The following ISL1 variants were observed in gnomAD, a reference collection of about 807,000 sequenced individuals.
ISL1 encodes insulin gene enhancer protein ISL-1.
Under a neutral mutation model 35.3 loss-of-function variants are expected in ISL1, and 4 were observed. That is an observed-to-expected ratio of 0.11 (90% CI 0.06 to 0.26). The LOEUF (loss-of-function observed/expected upper bound fraction) is 0.26. Among genes scored for constraint, ISL1 ranks in the 10% least tolerant of loss-of-function variants. ISL1 has a pLI of 1.00. For missense variants in ISL1, 340 were observed against 472.8 expected (o/e 0.72, Z 2.60); for synonymous variants, 186 against 172.3 (o/e 1.08, Z -0.62).
Position 51,387,285 on chromosome 5 carries a change from G to A in ISL1, c.219-205G>A, listed in dbSNP as rs551711967. Among the ~76,000 whole-genome samples, 3 of 152,300 alleles carry A rather than the reference G, an allele frequency of 2.0e-5. No individual in the cohort carries two copies. The highest frequency in any genetic ancestry group is 4.1e-4 in the South Asian group (2 of 4,828). On this transcript the variant is annotated intron_variant, in intron 2 of 5. Coordinates refer to ENST00000230658, the MANE Select transcript of ISL1 (RefSeq NM_002202.3). This position sits in a 1 kb window ranked among gnomAD's most constrained non-coding sequence, Gnocchi z 4.3. ...GAGGAGGGAGGGAGGGGAAAAGAGA[G>A]ATGGGGGAAGGAAGAGAGACAGGGA...
At position 51,387,436 on chromosome 5, in the gene ISL1, C is replaced by T. The variant is rs553296464; in HGVS notation, c.219-54C>T. ...TGCCGGCCTGAAGTGACCCCCTCTTCCTGTACTTCTCTCCCCGCTCTGGGC... is the reference window on the plus strand; with the variant it reads ...TGCCGGCCTGAAGTGACCCCCTCTTTCTGTACTTCTCTCCCCGCTCTGGGC... On this transcript the variant is annotated intron_variant, in intron 2 of 5. Coordinates refer to ENST00000230658, the MANE Select transcript of ISL1 (RefSeq NM_002202.3). This position sits in a 1 kb window ranked among gnomAD's most constrained non-coding sequence, Gnocchi z 4.3. The T allele has an allele frequency of 1.4e-5, 22 of 1,601,472 alleles. No homozygotes were observed. The South Asian group carries it at 1.9e-4, about 14-fold the overall frequency.
At chr5:51,390,669 T>TACTGC (rs1747490388) in intron 4 of ISL1, among the ~76,000 whole-genome samples, 2 of 133,962 alleles carry the variant, frequency 1.5e-5, no homozygotes, top group Non-Finnish European at 1.6e-5. Flanking sequence ...TTTTTTTTTT[T>TACTGC]TTTTTTTTTT....
At position 51,389,054 on chromosome 5, in the gene ISL1, C is replaced by G. The variant is rs1454651752; in HGVS notation, c.479-592C>G. Among the ~76,000 whole-genome samples, 1 of 152,154 alleles carries G rather than the reference C, an allele frequency of 6.6e-6. No homozygotes were observed. The highest frequency in any genetic ancestry group is 2.4e-5 in the African/African-American group (1 of 41,442). On this transcript the variant is annotated intron_variant, in intron 3 of 5. Transcript: ENST00000230658. This position sits in a 1 kb window ranked among gnomAD's most constrained non-coding sequence, Gnocchi z 5.0. ...CAGCCCCTTCACATGACTGTCCTCT[C>G]GGACTGAAGTTCAAGGCGTTCTGGC...
At chr5:51,390,026 A>G (rs1747452054) in intron 4 of ISL1, 94 bp downstream of exon 4, 1 of 1,412,968 alleles carries the variant, frequency 7.1e-7, no homozygotes, top group Admixed American at 1.9e-5. Context: ...ACGGTTTTCA[A>G]TCCTGCTCCT....
At position 51,384,719 on chromosome 5, in the gene ISL1, A is replaced by G. The variant is rs1254190642; in HGVS notation, c.207A>G (p.Arg69=). 6.2e-7 allele frequency: 1 copy of G among 1,613,494 alleles called. No individual in the cohort carries two copies. The highest frequency in any genetic ancestry group is 1.7e-5 in the Admixed American group (1 of 60,028). ...FVRDGKTYCK[R]DYIRLYGIKC... ...GGGATGGGAAAACCTACTGTAAAAG[A>G]GATTATATCAGGTATGGCATTTACA... The change falls in exon 2 of 6, where the codon AGA becomes AGG. Residue 69 remains arginine, a synonymous_variant. Coordinates refer to ENST00000230658, the MANE Select transcript of ISL1 (RefSeq NM_002202.3).
chr5:51,383,773 G>A, intron 1 of ISL1, 74 bp downstream of exon 1: 2 of 1,302,828 alleles, frequency 1.5e-6, no homozygotes, highest in Non-Finnish European at 2.2e-6. Flanking sequence ...CACAGGCTGA[G>A]GTGCCAAGGG....
chr5:51,394,694 T>C lies in ISL1; in HGVS notation c.*1084T>C, dbSNP rs570042816. ...TGTAGAATTATATCTTCAGGACTAT[T>C]TCACTAATAAACATTTGGCATAGAT... On this transcript the variant is annotated 3_prime_UTR_variant, in exon 6 of 6. Transcript: ENST00000230658. 10 of 152,674 alleles carry C rather than the reference T, an allele frequency of 6.5e-5. No individual in the cohort carries two copies. Among genetic ancestry groups the C allele is most frequent in the Admixed American group, 1.3e-4 (2 of 15,286 alleles). The allele number at this position is 152,674 out of a possible 1,614,324, so 9.5% of individuals were successfully genotyped here.
At chr5:51,386,988 AAGG>A in intron 2 of ISL1, among the ~76,000 whole-genome samples, 1 of 151,920 alleles carries the variant, frequency 6.6e-6, no homozygotes, top group East Asian at 1.9e-4. Flanking sequence ...TTTTTCTTGG[AAGG>A]AGGACTTTTT....
chr5:51,384,182 CA>C (rs1747282192), intron 1 of ISL1, among the ~76,000 whole-genome samples: 1 of 143,970 alleles, frequency 6.9e-6, no homozygotes, highest in Admixed American at 7.1e-5. Context: ...CGCTTCTAGT[CA>C]AAACCTTTTC....
intron 4 of ISL1, among the ~76,000 whole-genome samples, chr5:51,390,708 A>G (rs1747493247): frequency 9.4e-6 from 1 of 105,998 alleles, no homozygotes; most frequent in Non-Finnish European, 1.8e-5. Flanking sequence ...TTTAAATGCC[A>G]TAAAATCTGC....
At position 51,387,323 on chromosome 5, in the gene ISL1, G is replaced by C. The variant is rs1423062160; in HGVS notation, c.219-167G>C. The stretch of plus-strand genomic sequence containing the variant: ...AGAGAGACAGGGAAGGAGAGAGCAG[G>C]GTTTCATTTCTGTCCTTCTGTTTCC... On this transcript the variant is annotated intron_variant, in intron 2 of 5. Coordinates refer to ENST00000230658, the MANE Select transcript of ISL1 (RefSeq NM_002202.3). The surrounding 1 kb of genome is among the most constrained non-coding windows in gnomAD (Gnocchi z 4.3). Among the ~76,000 whole-genome samples, 1 of 152,116 alleles carries C rather than the reference G, an allele frequency of 6.6e-6. No individual in the cohort carries two copies. Among genetic ancestry groups the C allele is most frequent in the Non-Finnish European group, 1.5e-5 (1 of 68,028 alleles).
intron 2 of ISL1, among the ~76,000 whole-genome samples, chr5:51,385,035 C>G (rs1419065198): frequency 6.6e-6 from 1 of 152,114 alleles, no homozygotes; most frequent in Non-Finnish European, 1.5e-5. Flanking sequence ...CCTTACAAAA[C>G]AAAATTTTAA....
At chr5:51,388,082 G>A (rs1235058126) in intron 3 of ISL1, among the ~76,000 whole-genome samples, 2 of 152,202 alleles carry the variant, frequency 1.3e-5, no homozygotes, top group Non-Finnish European at 1.5e-5. Context: ...GCTGAAAACG[G>A]GCTTCAGCTC....
At chr5:51,384,443 C>T in intron 1 of ISL1, 98 bp from the exon 2 acceptor site, 4 of 1,017,092 alleles carry the variant, frequency 3.9e-6, no homozygotes, top group South Asian at 1.5e-5. Context: ...AAGAAAAAAA[C>T]CTCCCAGAGT....
In ISL1 at chr5:51,383,671, T is replaced by C. The variant is rs1747267598; in HGVS notation, c.-1T>C. 1 of 1,609,024 alleles carries C rather than the reference T, an allele frequency of 6.2e-7. No homozygotes were observed. The highest frequency in any genetic ancestry group is 8.5e-7 in the Non-Finnish European group (1 of 1,175,306). ...TGTGGACATTACTCCCTCTTACAGA[T>C]ATGGGAGACATGGGAGATCCACCAA... On this transcript the variant is annotated 5_prime_UTR_variant, in exon 1 of 6. Coordinates refer to ENST00000230658, the MANE Select transcript of ISL1 (RefSeq NM_002202.3).
At chr5:51,386,743 G>T in intron 2 of ISL1, 1 of 405,948 alleles carries the variant, frequency 2.5e-6, no homozygotes, top group Non-Finnish European at 4.8e-6. Flanking sequence ...ACTTGAAAAA[G>T]ATTGAGGGAA....
chr5:51,390,642 C>CTTTATTT (rs1747483445), intron 4 of ISL1, among the ~76,000 whole-genome samples: 2 of 40,204 alleles, frequency 5.0e-5, no homozygotes, highest in Non-Finnish European at 9.4e-5. Context: ...CTTTCTTTTT[C>CTTTATTT]TTTTTTTTTT....
At chr5:51,385,414 T>C (rs1747320164) in intron 2 of ISL1, among the ~76,000 whole-genome samples, 1 of 152,232 alleles carries the variant, frequency 6.6e-6, no homozygotes, top group South Asian at 2.1e-4. Context: ...GCAGATCAAA[T>C]TGCCCATCAT....
rs2111846771 is a variant in ISL1 at position 51,389,420 on chromosome 5, G to A, written c.479-226G>A. On this transcript the variant is annotated intron_variant, in intron 3 of 5. Coordinates refer to ENST00000230658, the MANE Select transcript of ISL1 (RefSeq NM_002202.3). This position sits in a 1 kb window ranked among gnomAD's most constrained non-coding sequence, Gnocchi z 5.0. ...TCAGCAAAGACCTCTGCAGATTAGA[G>A]AGGAAGATTTTATTCTCCCTTTCAC... Among the ~76,000 whole-genome samples the A allele has an allele frequency of 6.6e-6, 1 of 152,258 alleles. No individual in the cohort carries two copies. Among genetic ancestry groups the A allele is most frequent in the Admixed American group, 6.5e-5 (1 of 15,296 alleles).
Sources: allele counts gnomAD v4.1 joint callset (sites outside exome capture counted in the v4.1 genomes callset), GRCh38; gene constraint gnomAD v4.1.1; non-coding constraint Gnocchi (gnomAD v3.1); transcripts MANE v1.5; gene names NCBI Gene and HGNC (gene_info 2026-07-23, HGNC 2026-07-21).